Variants in FIG4 observed in about 807,000 individuals in gnomAD.
FIG4 encodes the protein polyphosphoinositide phosphatase.
FIG4 carries 112 observed loss-of-function variants against 118.6 expected under a neutral mutation model. That is an observed-to-expected ratio of 0.94 (90% CI 0.81 to 1.11). The LOEUF (loss-of-function observed/expected upper bound fraction) is 1.11, where lower values mean the gene tolerates loss of function less well. Among genes scored for constraint, FIG4 ranks in the 50% least tolerant of loss-of-function variants. The pLI is 0.00. For synonymous variants in FIG4, 369 were observed against 381.2 expected, an observed-to-expected ratio of 0.97 and a Z score of 0.37; for missense variants, 969 against 1,111.7, an observed-to-expected ratio of 0.87 and a Z score of 1.83.
intron 22 of FIG4, among the ~76,000 whole-genome samples, chr6:109,798,831 G>A (rs80125280): frequency 0.044 from 6,521 of 147,722 alleles, 343 homozygotes; most frequent in East Asian, 0.18. Flanking sequence ...TTTTTTGTTT[G>A]GCATATAAGC....
intron 15 of FIG4, among the ~76,000 whole-genome samples, chr6:109,771,490 A>G (rs1287114723): frequency 1.1e-5 from 1 of 94,946 alleles, no homozygotes; most frequent in Non-Finnish European, 2.0e-5. Context: ...TTTTTTTGAG[A>G]CAGAGTCTCG....
At chr6:109,696,138 A>G (rs923580118) in intron 1 of FIG4, among the ~76,000 whole-genome samples, 1 of 152,192 alleles carries the variant, frequency 6.6e-6, no homozygotes, top group Non-Finnish European at 1.5e-5. Flanking sequence ...ATAAGCATCA[A>G]TGATTTCACC....
At chr6:109,760,522 C>T in intron 11 of FIG4, 139 bp downstream of exon 11, 1 of 773,892 alleles carries the variant, frequency 1.3e-6, no homozygotes, top group African/African-American at 1.7e-5. Flanking sequence ...GTTTTGAGTG[C>T]ATCAAGAAAC....
chr6:109,776,000 C>T (rs540731328), intron 15 of FIG4, among the ~76,000 whole-genome samples: 1 of 152,022 alleles, frequency 6.6e-6, no homozygotes, highest in Non-Finnish European at 1.5e-5. Flanking sequence ...CTTTTTAGTT[C>T]TATGCTCATT....
chr6:109,802,280 CT>C (rs1413250179), intron 22 of FIG4, among the ~76,000 whole-genome samples: 1 of 152,140 alleles, frequency 6.6e-6, no homozygotes, highest in Non-Finnish European at 1.5e-5. Context: ...TTCTTTCCCC[CT>C]CACTGTCCTT....
At chr6:109,701,680 C>T (rs752742023) in intron 1 of FIG4, 6 of 471,352 alleles carry the variant, frequency 1.3e-5, no homozygotes, top group Non-Finnish European at 2.2e-5. Flanking sequence ...GAAGCTCCCT[C>T]CCACCCCCAT....
chr6:109,780,694 T>A (rs1777774725), intron 16 of FIG4, among the ~76,000 whole-genome samples: 1 of 152,200 alleles, frequency 6.6e-6, no homozygotes, highest in African/African-American at 2.4e-5. Flanking sequence ...ATACTGTGTT[T>A]ATCAATGATA....
At position 109,783,603 on chromosome 6, in the gene FIG4, T is replaced by G. The variant is rs373147770; in HGVS notation, c.1890-1367T>G. 1.2e-4 allele frequency among the ~76,000 whole-genome samples: 18 copies of G among 152,372 alleles called. No homozygotes were observed. The South Asian group carries it at 3.7e-3, about 32-fold the overall frequency. On this transcript the variant is annotated intron_variant, in intron 16 of 22. Transcript: ENST00000230124. ...AACACATAGAGCAGTGTCTGACACA[T>G]AGCAGGTGCTTAATAAATGTGGAAT... is the stretch of plus-strand genomic sequence containing the variant.
At chr6:109,705,142 A>G (rs938604691) in intron 1 of FIG4, among the ~76,000 whole-genome samples, 1 of 152,154 alleles carries the variant, frequency 6.6e-6, no homozygotes, top group African/African-American at 2.4e-5. Context: ...AATTTAGTGG[A>G]GGGAAACTTT....
intron 10 of FIG4, among the ~76,000 whole-genome samples, chr6:109,759,723 T>G (rs1777042314): frequency 6.6e-6 from 1 of 152,234 alleles, no homozygotes; most frequent in Non-Finnish European, 1.5e-5. Flanking sequence ...CTCAATTCAT[T>G]CAACCACAGT....
At chr6:109,732,392 C>G (rs35261023) in intron 4 of FIG4, among the ~76,000 whole-genome samples, 1 of 152,272 alleles carries the variant, frequency 6.6e-6, no homozygotes, top group East Asian at 1.9e-4. Flanking sequence ...TGTAGATGCA[C>G]GACTTTGCCT....
intron 22 of FIG4, among the ~76,000 whole-genome samples, chr6:109,816,569 G>A (rs1213697465): frequency 6.6e-6 from 1 of 152,212 alleles, no homozygotes; most frequent in African/African-American, 2.4e-5. Flanking sequence ...GGAAGAAGGT[G>A]TTAATAAGAC....
intron 22 of FIG4, among the ~76,000 whole-genome samples, chr6:109,814,372 A>T (rs1442103035): frequency 2.0e-5 from 3 of 151,718 alleles, no homozygotes; most frequent in African/African-American, 7.3e-5. Context: ...GAACTCCCAG[A>T]CTCAAGTGAC....
At chr6:109,769,262 G>A (rs1293532657) in intron 15 of FIG4, among the ~76,000 whole-genome samples, 1 of 151,888 alleles carries the variant, frequency 6.6e-6, no homozygotes, top group African/African-American at 2.4e-5. Context: ...ACTAGAGGAC[G>A]GACAGAATGA....
chr6:109,749,544 A>G (rs1015928831), intron 10 of FIG4, among the ~76,000 whole-genome samples: 4 of 148,472 alleles, frequency 2.7e-5, no homozygotes, highest in African/African-American at 9.8e-5. Context: ...TTAGAAACCT[A>G]GATTTGAATT....
intron 22 of FIG4, among the ~76,000 whole-genome samples, chr6:109,820,864 C>T (rs1009867463): frequency 6.6e-6 from 1 of 152,106 alleles, no homozygotes; most frequent in Non-Finnish European, 1.5e-5. Flanking sequence ...AAGTAAACCC[C>T]CCACAGCCAT....
intron 22 of FIG4, among the ~76,000 whole-genome samples, chr6:109,821,267 C>G (rs1778998381): frequency 6.6e-6 from 1 of 152,196 alleles, no homozygotes; most frequent in Non-Finnish European, 1.5e-5. Context: ...TGGCAGTTTT[C>G]AACACTTCAC....
At chr6:109,753,501 G>A (rs1776778469) in intron 10 of FIG4, among the ~76,000 whole-genome samples, 1 of 152,050 alleles carries the variant, frequency 6.6e-6, no homozygotes, top group Non-Finnish European at 1.5e-5. Flanking sequence ...TAGCTTGATG[G>A]GGATGGCATT....
chr6:109,727,364 C>T, intron 4 of FIG4, 99 bp downstream of exon 4: 2 of 991,114 alleles, frequency 2.0e-6, no homozygotes, highest in Non-Finnish European at 1.6e-6. Flanking sequence ...TCATAGCTTG[C>T]TGTAGCCTTG....
Sources: gnomAD v4.1 joint callset for allele counts (sites outside exome capture counted in the v4.1 genomes callset) on GRCh38, gnomAD v4.1.1 for gene constraint, MANE v1.5 for transcripts, NCBI Gene and HGNC (gene_info 2026-07-23, HGNC 2026-07-21) for gene names.